Variants in RPA1 observed in about 807,000 individuals in gnomAD.
The protein encoded by RPA1 is replication protein A 70 kDa DNA-binding subunit.
In RPA1, 49 loss-of-function variants were observed where a neutral mutation model predicts 83.0. The observed-to-expected ratio is 0.59, with a 90% CI of 0.47 to 0.75. RPA1 has a LOEUF of 0.75. Among genes scored for constraint, RPA1 ranks in the 30% least tolerant of loss-of-function variants. The probability of loss-of-function intolerance (pLI) is 0.00; values close to 1 mark genes in which losing one functional copy is unlikely to be tolerated. For synonymous variants in RPA1, 279 were observed against 281.8 expected (o/e 0.99, Z 0.10); for missense variants, 693 against 776.1 (o/e 0.89, Z 1.27).
chr17:1,836,647 T>G (rs984206509), intron 1 of RPA1, among the ~76,000 whole-genome samples: 9 of 151,804 alleles, frequency 5.9e-5, no homozygotes, highest in Non-Finnish European at 1.2e-4. Context: ...TATCCTTTTG[T>G]GTCTGGCTTC....
intron 5 of RPA1, among the ~76,000 whole-genome samples, chr17:1,856,751 C>T (rs1912714731): frequency 6.6e-6 from 1 of 151,060 alleles, no homozygotes; most frequent in Non-Finnish European, 1.5e-5. Flanking sequence ...AGGCTGGTCT[C>T]GAACTCCTGC....
chr17:1,897,031 A>G, intron 16 of RPA1, 40 bp from the exon 17 acceptor site: 1 of 1,521,968 alleles, frequency 6.6e-7, no homozygotes, highest in Non-Finnish European at 8.9e-7. Context: ...GCTCCACACC[A>G]CACTTTCACT....
chr17:1,849,345 T>G (rs1265400377), intron 4 of RPA1, among the ~76,000 whole-genome samples: 2 of 140,312 alleles, frequency 1.4e-5, no homozygotes, highest in African/African-American at 2.7e-5. Context: ...CAGGCTGGAG[T>G]GCAGTGGTGC....
rs999779956 is a variant in RPA1 at position 1,855,630 on chromosome 17, C to T, written c.361+2441C>T. ...TTTAGAATTGTTGTATCGGTATTCA[C>T]GAGAGATATTTTTCTTTAGTTTTCT... On this transcript the variant is annotated intron_variant, in intron 5 of 16. Transcript: ENST00000254719. Among the ~76,000 whole-genome samples, 5 of 152,112 alleles carry T rather than the reference C, an allele frequency of 3.3e-5. No individual in the cohort carries two copies. The South Asian group carries it at 6.2e-4, about 19-fold the overall frequency.
rs1913227217 is a variant in RPA1 at position 1,867,581 on chromosome 17, CACTCCTCTAGTCCTG to C, written c.362-4852_362-4838del. 3.3e-5 allele frequency among the ~76,000 whole-genome samples: 5 copies of C among 151,950 alleles called. No individual in the cohort carries two copies. In the South Asian group the frequency reaches 1.0e-3, roughly 32 times the overall value. On this transcript the variant is annotated intron_variant, in intron 5 of 16. Transcript: ENST00000254719. ...AAAAAATTATCCAGGCCTGATAGCA[CACTCCTCTAGTCCTG>C]GCTACTCGGGAAGTCGAGGTGGGAG...
intron 4 of RPA1, among the ~76,000 whole-genome samples, 193 bp from the exon 5 acceptor site, chr17:1,852,908 A>G (rs1391709051): frequency 6.6e-6 from 1 of 152,226 alleles, no homozygotes; most frequent in Non-Finnish European, 1.5e-5. Flanking sequence ...TTAATTAAGG[A>G]ACTAGTTGGG....
chr17:1,849,735 C>T (rs1317149914), intron 4 of RPA1, among the ~76,000 whole-genome samples: 1 of 151,746 alleles, frequency 6.6e-6, no homozygotes, highest in Non-Finnish European at 1.5e-5. Context: ...CTGTTCAATG[C>T]AGTGTTGATC....
intron 8 of RPA1, 120 bp downstream of exon 8, chr17:1,877,434 T>C (rs1293408943): frequency 2.5e-6 from 2 of 799,200 alleles, no homozygotes; most frequent in Non-Finnish European, 4.2e-6. Context: ...CGGAGGGCAG[T>C]GGGCTCGCCG....
chr17:1,876,470 G>A (rs1253374801), intron 7 of RPA1, among the ~76,000 whole-genome samples: 1 of 152,128 alleles, frequency 6.6e-6, no homozygotes, highest in Non-Finnish European at 1.5e-5. Context: ...CAGAAGAATC[G>A]CTTGAACCCA....
At chr17:1,872,644 C>A in intron 6 of RPA1, 118 bp downstream of exon 6, 2 of 1,318,870 alleles carry the variant, frequency 1.5e-6, no homozygotes, top group South Asian at 1.4e-5. Context: ...AGGGTTGTGT[C>A]TTGGAAAGAA....
At chr17:1,890,553 C>T (rs1240806050) in intron 14 of RPA1, among the ~76,000 whole-genome samples, 1 of 151,902 alleles carries the variant, frequency 6.6e-6, no homozygotes, top group Admixed American at 6.6e-5. Flanking sequence ...GTCCCAGCTA[C>T]TAGGGAGGCT....
At chr17:1,858,104 A>T (rs1387919034) in intron 5 of RPA1, 1 of 1,613,622 alleles carries the variant, frequency 6.2e-7, no homozygotes, top group African/African-American at 1.3e-5. Flanking sequence ...CCAGACTGGT[A>T]TAGCTGGGGA....
intron 5 of RPA1, among the ~76,000 whole-genome samples, chr17:1,869,164 TG>T (rs1913289087): frequency 6.6e-6 from 1 of 152,228 alleles, no homozygotes. Context: ...TTCTCTGCGA[TG>T]GCTCACTTAA....
At chr17:1,851,370 C>T (rs892120046) in intron 4 of RPA1, among the ~76,000 whole-genome samples, 4 of 152,132 alleles carry the variant, frequency 2.6e-5, no homozygotes. Flanking sequence ...CTCTCTGAAT[C>T]TGTAGGCTCT....
chr17:1,852,545 G>A (rs1912534384), intron 4 of RPA1, among the ~76,000 whole-genome samples: 1 of 152,230 alleles, frequency 6.6e-6, no homozygotes, highest in Non-Finnish European at 1.5e-5. Flanking sequence ...AGAGGGCAGA[G>A]GGCAGAGGGC....
chr17:1,851,810 C>T (rs1164952115), intron 4 of RPA1, among the ~76,000 whole-genome samples: 1 of 147,512 alleles, frequency 6.8e-6, no homozygotes, highest in Non-Finnish European at 1.5e-5. Context: ...CAGATAATTT[C>T]AGGCTTATCT....
chr17:1,854,920 C>T (rs538640937), intron 5 of RPA1, among the ~76,000 whole-genome samples: 6 of 152,280 alleles, frequency 3.9e-5, no homozygotes, highest in South Asian at 4.1e-4. Flanking sequence ...CAGCCTGGCT[C>T]GTTATCTTTG....
chr17:1,847,553 G>GCT (rs1480546319), intron 4 of RPA1, among the ~76,000 whole-genome samples: 1 of 152,142 alleles, frequency 6.6e-6, no homozygotes, highest in Non-Finnish European at 1.5e-5. Context: ...TTTACTCCTT[G>GCT]CTTTTTTGGT....
chr17:1,893,769 A>C (rs1382891889), intron 15 of RPA1, among the ~76,000 whole-genome samples: 1 of 152,094 alleles, frequency 6.6e-6, no homozygotes, highest in African/African-American at 2.4e-5. Context: ...GCGCACCTCA[A>C]CAGTCTTCTC....
Sources: gnomAD v4.1 joint callset for allele counts (sites outside exome capture counted in the v4.1 genomes callset) on GRCh38, gnomAD v4.1.1 for gene constraint, MANE v1.5 for transcripts, NCBI Gene and HGNC (gene_info 2026-07-23, HGNC 2026-07-21) for gene names.